The following CA5A variants were observed in gnomAD, a reference collection of about 807,000 sequenced individuals.
CA5A encodes the protein carbonic anhydrase 5A, mitochondrial.
In CA5A, 28 loss-of-function variants were observed where a neutral mutation model predicts 37.1. The observed-to-expected ratio is 0.75, with a 90% CI of 0.56 to 1.03. The LOEUF (loss-of-function observed/expected upper bound fraction) is 1.03. Among genes scored for constraint, CA5A ranks in the 50% least tolerant of loss-of-function variants. The pLI is 0.00. For synonymous variants in CA5A, 171 were observed against 158.4 expected, an observed-to-expected ratio of 1.08 and a Z score of -0.60; for missense variants, 444 against 399.9, an observed-to-expected ratio of 1.11 and a Z score of -0.94.
chr16:87,930,361 C>G (rs975793253), intron 1 of CA5A, among the ~76,000 whole-genome samples: 1 of 152,184 alleles, frequency 6.6e-6, no homozygotes, highest in Non-Finnish European at 1.5e-5. Context: ...AGATCCTGGC[C>G]TCTGGGAGTC....
rs1017101134 is a variant in CA5A at position 87,911,073 on chromosome 16, T to C, written c.341-6169A>G. Among the ~76,000 whole-genome samples the C allele has an allele frequency of 1.6e-4, 19 of 115,832 alleles. No homozygotes were observed. Among genetic ancestry groups the C allele is most frequent in the African/African-American group, 5.9e-4 (18 of 30,512 alleles). The allele number at this position is 115,832 out of a possible 152,430, so 76.0% of individuals were successfully genotyped here. On this transcript the variant is annotated intron_variant, in intron 2 of 6. Transcript: ENST00000649794. The surrounding 1 kb of genome is among the most constrained non-coding windows in gnomAD (Gnocchi z 4.6). ...CTAAAGTGACTTTTCATAATGACAA[T>C]ACAATGTCAGGGTATTCTCCTTAAT...
At chr16:87,928,657 G>A (rs575056510) in intron 1 of CA5A, among the ~76,000 whole-genome samples, 1 of 151,486 alleles carries the variant, frequency 6.6e-6, no homozygotes, top group African/African-American at 2.4e-5. Context: ...CCATTATTTG[G>A]TGATGATATT....
chr16:87,934,617 GC>G (rs1035179242), intron 1 of CA5A, among the ~76,000 whole-genome samples: 7 of 151,940 alleles, frequency 4.6e-5, no homozygotes, highest in African/African-American at 1.7e-4. Flanking sequence ...GAGCAGTGGG[GC>G]CAAGATTCCA....
downstream of CA5A, chr16:87,886,359 G>C (rs1319950605): frequency 6.6e-6 from 1 of 152,156 alleles, no homozygotes; most frequent in Admixed American, 6.6e-5. Flanking sequence ...ATGTTGGTCA[G>C]GCTAGTCTGG....
chr16:87,893,283 G>A (rs562731852), intron 5 of CA5A: 15 of 367,492 alleles, frequency 4.1e-5, no homozygotes, highest in African/African-American at 6.4e-5. Flanking sequence ...TCACGCCATC[G>A]CGACCAGCTA....
In CA5A at chr16:87,904,065, G is replaced by C. The variant is rs141572808; in HGVS notation, c.459+721C>G. On this transcript the variant is annotated intron_variant, in intron 3 of 6. Coordinates refer to ENST00000649794, the MANE Select transcript of CA5A (RefSeq NM_001739.2). ...GACTGCTTTAAGATGATCTTAGCCGGGTACGGTGGCTCACGCCTGTTATCC... is the reference window on the plus strand; with the variant it reads ...GACTGCTTTAAGATGATCTTAGCCGCGTACGGTGGCTCACGCCTGTTATCC... 2.6e-3 allele frequency among the ~76,000 whole-genome samples: 390 copies of C among 152,240 alleles called. 1 individual carries two copies. The highest frequency in any genetic ancestry group is 9.0e-3 in the African/African-American group (374 of 41,538).
At chr16:87,900,269 G>A (rs1000874670) in intron 5 of CA5A, among the ~76,000 whole-genome samples, 10 of 152,194 alleles carry the variant, frequency 6.6e-5, no homozygotes, top group Admixed American at 1.3e-4. Flanking sequence ...GTGGAGCCGC[G>A]TGGAGGAAGA....
At chr16:87,917,113 A>AAT (rs1432612155) in intron 2 of CA5A, among the ~76,000 whole-genome samples, 1 of 79,534 alleles carries the variant, frequency 1.3e-5, no homozygotes, top group African/African-American at 9.3e-5. Flanking sequence ...TCAAAAAAAA[A>AAT]AAAAAAAAGA....
chr16:87,903,217 G>C (rs2055906572), intron 3 of CA5A, among the ~76,000 whole-genome samples: 1 of 152,178 alleles, frequency 6.6e-6, no homozygotes, highest in Non-Finnish European at 1.5e-5. Context: ...TGGATCACGA[G>C]GTCAGGAGTT....
rs7195091 is a variant in CA5A at position 87,928,451 on chromosome 16, G to A, written c.143-1506C>T. Among the ~76,000 whole-genome samples, 1,222 of 152,248 alleles carry A rather than the reference G, an allele frequency of 8.0e-3. 15 individuals are homozygous for A. The highest frequency in any genetic ancestry group is 0.028 in the African/African-American group (1,166 of 41,550). On this transcript the variant is annotated intron_variant, in intron 1 of 6. Coordinates refer to ENST00000649794, the MANE Select transcript of CA5A (RefSeq NM_001739.2). Reference sequence around the variant, plus strand: ...AGGCAGGCATCTCCCAAAGTGCTGAGATTAGAAGTGTGTACCACCACACCC... The same window carrying A: ...AGGCAGGCATCTCCCAAAGTGCTGAAATTAGAAGTGTGTACCACCACACCC...
chr16:87,894,188 G>T (rs938708943), intron 5 of CA5A, among the ~76,000 whole-genome samples: 7 of 151,988 alleles, frequency 4.6e-5, no homozygotes, highest in Middle Eastern at 3.2e-3. Context: ...GAGTGCCGTG[G>T]CATGATCTCA....
downstream of CA5A, chr16:87,885,828 C>G (rs964621501): frequency 6.6e-6 from 1 of 152,348 alleles, no homozygotes; most frequent in African/African-American, 2.4e-5. Flanking sequence ...CCCCACCCAG[C>G]CATGTCCTCT....
At position 87,891,828 on chromosome 16, in the gene CA5A, T is replaced by C; in HGVS notation, c.745A>G (p.Lys249Glu). 2 of 1,567,708 alleles carry C rather than the reference T, an allele frequency of 1.3e-6. No homozygotes were observed. The highest frequency in any genetic ancestry group is 1.4e-5 in the African/African-American group (1 of 72,200). ...CTTGGGGCCACTTCAACGGGCTCCT[T>C]CTGGATGATCCAGGTGACCGACTCG... ...LTESVTWIIQ[K>E]EPVEVAPSQL... Residue 249 changes from lysine (K) to glutamate (E), a missense_variant, in exon 6 of 7, where the codon AAG (lysine) becomes GAG (glutamate). Physicochemically the swap from Lys to Glu is moderately conservative, Grantham distance 56. Transcript: ENST00000649794.
chr16:87,895,607 T>G (rs114704846), intron 5 of CA5A, among the ~76,000 whole-genome samples: 1 of 152,122 alleles, frequency 6.6e-6, no homozygotes, highest in Non-Finnish European at 1.5e-5. Context: ...TACAGTTCTA[T>G]GGTTTTGGGT....
chr16:87,933,380 A>G (rs2056432787), intron 1 of CA5A, among the ~76,000 whole-genome samples: 1 of 152,108 alleles, frequency 6.6e-6, no homozygotes, highest in South Asian at 2.1e-4. Flanking sequence ...AATGATCCCT[A>G]AAATTATTTT....
rs547505800 is a variant in CA5A, at chr16:87,905,837, C to T, written c.341-933G>A. On this transcript the variant is annotated intron_variant, in intron 2 of 6. Transcript: ENST00000649794. ...TCTCTACCTGCAGGCCTCGGGGTGC[C>T]CCTCTCCATGGCACAGTGCCAGGTG... Among the ~76,000 whole-genome samples, 393 of 152,352 alleles carry T rather than the reference C, an allele frequency of 2.6e-3. 1 individual carries two copies. The highest frequency in any genetic ancestry group is 9.0e-3 in the African/African-American group (375 of 41,592).
rs182997948 is a variant in CA5A at position 87,927,779 on chromosome 16, T to A, written c.143-834A>T. The stretch of plus-strand genomic sequence containing the variant: ...AGGAGGCTGAGGCAGGAGAATGGCG[T>A]GAACCCAGGAGGCAGAGGTGGTAGT... On this transcript the variant is annotated intron_variant, in intron 1 of 6. Transcript: ENST00000649794. Among the ~76,000 whole-genome samples, 85 of 147,892 alleles carry A rather than the reference T, an allele frequency of 5.7e-4. 1 individual carries two copies. The Middle Eastern group carries it at 0.011, about 19-fold the overall frequency.
At chr16:87,900,037 C>A (rs1391569024) in intron 5 of CA5A, among the ~76,000 whole-genome samples, 2 of 151,726 alleles carry the variant, frequency 1.3e-5, no homozygotes, top group Non-Finnish European at 2.9e-5. Context: ...GGCACTTCCT[C>A]CCCTGTCCCG....
chr16:87,890,018 T>A (rs370078633), intron 6 of CA5A, among the ~76,000 whole-genome samples: 1 of 152,284 alleles, frequency 6.6e-6, no homozygotes, highest in East Asian at 1.9e-4. Context: ...TCATCCACAT[T>A]TGTGGTCTGC....
Sources: allele counts gnomAD v4.1 joint callset (sites outside exome capture counted in the v4.1 genomes callset), GRCh38; gene constraint gnomAD v4.1.1; non-coding constraint Gnocchi (gnomAD v3.1); transcripts MANE v1.5; gene names NCBI Gene and HGNC (gene_info 2026-07-23, HGNC 2026-07-21).